Variants in NSD3 observed in about 807,000 individuals in gnomAD.
The protein encoded by NSD3 is nuclear receptor binding SET domain protein 3, also known as histone-lysine N-methyltransferase NSD3.
In NSD3, 24 loss-of-function variants were observed where a neutral mutation model predicts 160.8. That is an observed-to-expected ratio of 0.15 (90% CI 0.11 to 0.21). The LOEUF is 0.21. NSD3 is among the 10% of genes least tolerant of loss of function. The pLI, the probability that NSD3 is intolerant of heterozygous loss-of-function variation, is 1.00. For missense variants in NSD3, 1,157 were observed against 1,735.9 expected (o/e 0.67, Z 5.93); for synonymous variants, 520 against 600.0 (o/e 0.87, Z 1.95).
At chr8:38,326,435 A>T (rs1355561734) in intron 7 of NSD3, among the ~76,000 whole-genome samples, 3 of 152,216 alleles carry the variant, frequency 2.0e-5, no homozygotes, top group East Asian at 1.9e-4. Context: ...TATTATGCAA[A>T]GAGAGATAGT....
intron 14 of NSD3, chr8:38,303,322 C>A: frequency 1.0e-6 from 1 of 985,312 alleles, no homozygotes; most frequent in Non-Finnish European, 1.2e-6. Context: ...CCACCTGTTA[C>A]GATATAGCAG....
chr8:38,363,209 A>G (rs1811027441), intron 1 of NSD3, among the ~76,000 whole-genome samples: 1 of 152,234 alleles, frequency 6.6e-6, no homozygotes, highest in African/African-American at 2.4e-5. Context: ...GAACATAGGA[A>G]TGGCAGCAAA....
Position 38,354,122 on chromosome 8 carries a change from CTT to C in NSD3, c.-44-5909_-44-5908del, listed in dbSNP as rs985234244. On this transcript the variant is annotated intron_variant, in intron 1 of 23. Coordinates refer to ENST00000317025, the MANE Select transcript of NSD3 (RefSeq NM_023034.2). ...GCTCACAGGTGATTGATTCTTCCCT[CTT>C]TGTTAAGCCATAAAACCAGTCATTT... Among the ~76,000 whole-genome samples the C allele has an allele frequency of 4.6e-4, 70 of 152,198 alleles. 1 individual carries two copies. The highest frequency in any genetic ancestry group is 1.5e-3 in the African/African-American group (62 of 41,442).
chr8:38,380,917 A>G (rs1001143624), intron 1 of NSD3: 10 of 152,140 alleles, frequency 6.6e-5, no homozygotes, highest in African/African-American at 1.7e-4. Context: ...CCATCAAATT[A>G]TGGCCATGTC....
chr8:38,337,214 T>C, intron 4 of NSD3, 91 bp downstream of exon 4: 1 of 1,145,772 alleles, frequency 8.7e-7, no homozygotes, highest in Non-Finnish European at 1.2e-6. Context: ...AGATTATATA[T>C]TACGTGTGTA....
intron 1 of NSD3, among the ~76,000 whole-genome samples, chr8:38,379,924 A>G (rs1811494037): frequency 2.6e-5 from 4 of 152,270 alleles, no homozygotes; most frequent in Non-Finnish European, 5.9e-5. Context: ...GTCAGGATTT[A>G]AACCTTAGAA....
Position 38,318,867 on chromosome 8 carries a change from G to T in NSD3, c.1855+28C>A. On this transcript the variant is annotated intron_variant, in intron 9 of 23. Transcript: ENST00000317025. The surrounding 1 kb of genome is among the most constrained non-coding windows in gnomAD (Gnocchi z 5.3). ...AAAAATTGGTTTTAATCAAGGAAAT[G>T]CAAAGCAACATTATAATATTAACTC... 1 of 1,598,680 alleles carries T rather than the reference G, an allele frequency of 6.3e-7. No individual in the cohort carries two copies. The highest frequency in any genetic ancestry group is 8.5e-7 in the Non-Finnish European group (1 of 1,173,276).
intron 19 of NSD3, among the ~76,000 whole-genome samples, chr8:38,285,976 T>C (rs1237612594): frequency 6.6e-6 from 1 of 152,172 alleles, no homozygotes; most frequent in Non-Finnish European, 1.5e-5. Context: ...GCCACAGTTA[T>C]CCTTTCGAAA....
At chr8:38,276,604 T>A in intron 22 of NSD3, 104 bp from the exon 23 acceptor site, 1 of 1,225,892 alleles carries the variant, frequency 8.2e-7, no homozygotes, top group Non-Finnish European at 1.1e-6. Context: ...TCATCTGTTG[T>A]ACAATTACCT....
chr8:38,358,720 G>A (rs1810884250), intron 1 of NSD3, among the ~76,000 whole-genome samples: 1 of 152,058 alleles, frequency 6.6e-6, no homozygotes, highest in Admixed American at 6.6e-5. Flanking sequence ...ATGTTTCAGT[G>A]ATCCTGTATT....
chr8:38,304,438 C>T, intron 14 of NSD3, 149 bp downstream of exon 14: 2 of 620,008 alleles, frequency 3.2e-6, no homozygotes, highest in Non-Finnish European at 5.2e-6. Flanking sequence ...ATGTTCATCT[C>T]TCTCAGGGAT....
intron 7 of NSD3, 115 bp downstream of exon 7, chr8:38,326,615 A>C: frequency 8.2e-7 from 1 of 1,224,520 alleles, no homozygotes; most frequent in East Asian, 2.7e-5. Context: ...TGATTTTTAA[A>C]TATAATTTAC....
rs1809703207 is a variant in NSD3 at position 38,317,713 on chromosome 8, T to G, written c.1855+1182A>C. ...TTGATCAGTGTAAGTTAAATGGTGG[T>G]TTTTAGGCTGGACCCATGATTTAAG... On this transcript the variant is annotated intron_variant, in intron 9 of 23. Coordinates refer to ENST00000317025, the MANE Select transcript of NSD3 (RefSeq NM_023034.2). This position sits in a 1 kb window ranked among gnomAD's most constrained non-coding sequence, Gnocchi z 5.3. 1 of 1,342,986 alleles carries G rather than the reference T, an allele frequency of 7.4e-7. No homozygotes were observed. The highest frequency in any genetic ancestry group is 1.5e-5 in the African/African-American group (1 of 67,802). 83.2% of individuals were successfully genotyped at this position (1,342,986 alleles called of 1,614,324 possible). A position where few individuals can be genotyped will look rare whatever the true frequency, so the allele number is the denominator to read the frequency against.
intron 16 of NSD3, among the ~76,000 whole-genome samples, chr8:38,294,559 T>C (rs1183811022): frequency 3.3e-5 from 5 of 152,190 alleles, no homozygotes; most frequent in Non-Finnish European, 7.3e-5. Flanking sequence ...AAAAGTTTTC[T>C]CTTTACACAT....
At chr8:38,349,516 A>G (rs1437748450) in intron 1 of NSD3, among the ~76,000 whole-genome samples, 1 of 151,594 alleles carries the variant, frequency 6.6e-6, no homozygotes, top group Non-Finnish European at 1.5e-5. Flanking sequence ...TTTTGTGCAC[A>G]TATATATTTC....
At chr8:38,301,701 A>G (rs996169892) in intron 14 of NSD3, among the ~76,000 whole-genome samples, 1 of 152,254 alleles carries the variant, frequency 6.6e-6, no homozygotes, top group Non-Finnish European at 1.5e-5. Flanking sequence ...TAGTCCCTCC[A>G]TTTAACAACT....
intron 12 of NSD3, among the ~76,000 whole-genome samples, chr8:38,311,014 A>G (rs1303364852): frequency 6.8e-6 from 1 of 146,514 alleles, no homozygotes; most frequent in Non-Finnish European, 1.5e-5. Flanking sequence ...TTTTGATACT[A>G]TTCATTCTAA....
At chr8:38,323,689 G>GGTGGCAGGCACTGGGTAGTCTCA (rs1809844209) in intron 7 of NSD3, among the ~76,000 whole-genome samples, 1 of 151,746 alleles carries the variant, frequency 6.6e-6, no homozygotes, top group Non-Finnish European at 1.5e-5. Context: ...AGCCAAGCAT[G>GGTGGCAGGCACTGGGTAGTCTCA]GTGGCAGGCA....
chr8:38,339,542 T>C (rs763218303), intron 2 of NSD3, among the ~76,000 whole-genome samples: 14 of 152,042 alleles, frequency 9.2e-5, no homozygotes, highest in Non-Finnish European at 7.4e-5. Context: ...CTGGCCAACA[T>C]GGTGAAACCC....
Sources: allele counts gnomAD v4.1 joint callset (sites outside exome capture counted in the v4.1 genomes callset), GRCh38; gene constraint gnomAD v4.1.1; non-coding constraint Gnocchi (gnomAD v3.1); transcripts MANE v1.5; gene names NCBI Gene and HGNC (gene_info 2026-07-23, HGNC 2026-07-21).